TMEM44: variants seen among roughly 807,000 people sequenced by gnomAD.
TMEM44 encodes transmembrane protein 44.
A neutral mutation model predicts 47.8 loss-of-function variants in TMEM44; 43 were observed. The ratio of observed to expected loss-of-function variants is 0.90; its 90% CI spans 0.70 to 1.16. The LOEUF (loss-of-function observed/expected upper bound fraction) is 1.16. TMEM44 is among the 50% of genes most tolerant of loss of function. The probability of loss-of-function intolerance (pLI) is 0.00; values close to 1 mark genes in which losing one functional copy is unlikely to be tolerated. For synonymous variants in TMEM44, 277 were observed against 238.8 expected (o/e 1.16, Z -1.48); for missense variants, 568 against 555.2 (o/e 1.02, Z -0.23).
rs1170111312 is a variant in TMEM44, at chr3:194,633,225, G to GGGCGCGC, written c.-17_-11dup. Reference sequence around the variant, plus strand: ...TGGGCGCCTCCCCCATGGCGCGGCTGGGCGCGCGGCGCGGGGCCGGGGACC... The same window carrying GGGCGCGC: ...TGGGCGCCTCCCCCATGGCGCGGCTGGGCGCGCGGCGCGCGGCGCGGGGCCGGGGACC... On this transcript the variant is annotated 5_prime_UTR_variant, in exon 1 of 10. Coordinates refer to ENST00000347147, the MANE Select transcript of TMEM44 (RefSeq NM_001011655.3). 1.4e-6 allele frequency: 2 copies of GGGCGCGC among 1,380,488 alleles called. No homozygotes were observed. Among genetic ancestry groups the GGGCGCGC allele is most frequent in the East Asian group, 3.2e-5 (1 of 31,594 alleles). 85.5% of individuals were successfully genotyped at this position (1,380,488 alleles called of 1,614,324 possible). A position where few individuals can be genotyped will look rare whatever the true frequency, so the allele number is the denominator to read the frequency against.
Position 194,617,281 on chromosome 3 carries a change from G to A in TMEM44, c.613-12C>T. The A allele has an allele frequency of 1.3e-6, 2 of 1,504,258 alleles. No homozygotes were observed. Among genetic ancestry groups the A allele is most frequent in the African/African-American group, 1.4e-5 (1 of 71,772 alleles). The allele number at this position is 1,504,258 out of a possible 1,614,324, so 93.2% of individuals were successfully genotyped here. On this transcript the variant is annotated splice_polypyrimidine_tract_variant and intron_variant, in intron 5 of 9. Transcript: ENST00000347147. ...GTCTTCCCCCGGCACTGGGCAGAGAGAGGGAGGGGCTGGGCGGGAGAAGCA... is the reference window on the plus strand; with the variant it reads ...GTCTTCCCCCGGCACTGGGCAGAGAAAGGGAGGGGCTGGGCGGGAGAAGCA...
intron 5 of TMEM44, among the ~76,000 whole-genome samples, chr3:194,622,178 C>T (rs993194250): frequency 2.6e-5 from 4 of 152,320 alleles, no homozygotes; most frequent in African/African-American, 4.8e-5. Context: ...CGCTTTCGCA[C>T]GTGGGGGCTT....
chr3:194,594,856 T>C (rs1360075619), intron 9 of TMEM44, among the ~76,000 whole-genome samples: 2 of 152,230 alleles, frequency 1.3e-5, no homozygotes, highest in African/African-American at 4.8e-5. Flanking sequence ...TCTTCAGCGT[T>C]ATGGGCAATC....
rs533934175 is a variant in TMEM44 at position 194,621,586 on chromosome 3, C to T, written c.612+1638G>A. ...GGACACCTGCTGATGAGGCCCAGGC[C>T]CTGCGAGGCTTCTGGCAGTCACAGC... On this transcript the variant is annotated intron_variant, in intron 5 of 9. Coordinates refer to ENST00000347147, the MANE Select transcript of TMEM44 (RefSeq NM_001011655.3). 4.6e-5 allele frequency among the ~76,000 whole-genome samples: 7 copies of T among 152,322 alleles called. No individual in the cohort carries two copies. In the East Asian group the frequency reaches 1.2e-3, roughly 25 times the overall value.
At chr3:194,599,628 A>G (rs1706015) in intron 9 of TMEM44, among the ~76,000 whole-genome samples, 54,058 of 144,032 alleles carry the variant, frequency 0.38, 10,412 homozygotes, top group Non-Finnish European at 0.44. Flanking sequence ...TCTATTGTCC[A>G]GGCTGGAATG....
chr3:194,601,646 C>T (rs923762472), intron 9 of TMEM44, among the ~76,000 whole-genome samples: 6 of 152,144 alleles, frequency 3.9e-5, no homozygotes, highest in African/African-American at 1.4e-4. Context: ...CGGGGTTTCG[C>T]CACGTTCGCC....
chr3:194,599,181 G>A (rs995024188), intron 9 of TMEM44, among the ~76,000 whole-genome samples: 3 of 152,188 alleles, frequency 2.0e-5, no homozygotes, highest in Admixed American at 6.6e-5. Context: ...TCTCTCCAGG[G>A]TATGGTCCGG....
intron 9 of TMEM44, 108 bp downstream of exon 9, chr3:194,604,179 G>A (rs996517650): frequency 7.2e-7 from 1 of 1,382,492 alleles, no homozygotes; most frequent in African/African-American, 1.4e-5. Flanking sequence ...CAGGTATGAG[G>A]TTAACGTGGA....
chr3:194,620,849 C>T (rs562589105), intron 5 of TMEM44, among the ~76,000 whole-genome samples: 1 of 151,680 alleles, frequency 6.6e-6, no homozygotes, highest in Admixed American at 6.6e-5. Context: ...CAACATGGTG[C>T]ACTCTCGTCT....
At chr3:194,627,999 A>C (rs1577228698) in intron 2 of TMEM44, among the ~76,000 whole-genome samples, 2 of 152,154 alleles carry the variant, frequency 1.3e-5, no homozygotes, top group South Asian at 4.1e-4. Context: ...CAAGCAAAAA[A>C]AAAAGTCACC....
At chr3:194,615,802 C>T in intron 6 of TMEM44, 105 bp from the exon 7 acceptor site, 1 of 1,437,196 alleles carries the variant, frequency 7.0e-7, no homozygotes, top group Non-Finnish European at 9.5e-7. Flanking sequence ...CTCACCTACT[C>T]TCCTCCCTCC....
At chr3:194,617,299 G>GGGGGC in intron 5 of TMEM44, 30 bp from the exon 6 acceptor site, 13 of 619,720 alleles carry the variant, frequency 2.1e-5, no homozygotes, top group Non-Finnish European at 3.0e-5. Context: ...GGCTGGGCGG[G>GGGGGC]AGAAGCAGCA....
At chr3:194,606,910 GC>G (rs1341656487) in intron 8 of TMEM44, among the ~76,000 whole-genome samples, 1 of 130,046 alleles carries the variant, frequency 7.7e-6, no homozygotes, top group African/African-American at 2.9e-5. Context: ...CCGTGATTGT[GC>G]CACTGCACTC....
chr3:194,602,137 A>G (rs1427430387), intron 9 of TMEM44, among the ~76,000 whole-genome samples: 1 of 152,220 alleles, frequency 6.6e-6, no homozygotes, highest in Non-Finnish European at 1.5e-5. Context: ...AGAACCACAC[A>G]ACACAGAATG....
Position 194,625,963 on chromosome 3 carries a change from T to C in TMEM44, c.292A>G (p.Ile98Val), listed in dbSNP as rs1432392471. 3 of 1,613,568 alleles carry C rather than the reference T, an allele frequency of 1.9e-6. No individual in the cohort carries two copies. In the African/African-American group the frequency reaches 4.0e-5, roughly 22 times the overall value. The part of the protein sequence containing the change: ...QVFTGAYLAA[I>V]DLVNFMFILF... ...ATGAACATAAAGTTCACTAAGTCAA[T>C]AGCTGCTAGGTAGGCACCAGTGAAA... Residue 98 changes from isoleucine to valine, a missense_variant, in exon 3 of 10, where the codon ATT (isoleucine) becomes GTT (valine). Ile to Val is a conservative substitution (Grantham distance 29). Coordinates refer to ENST00000347147, the MANE Select transcript of TMEM44 (RefSeq NM_001011655.3).
chr3:194,623,586 CG>C lies in TMEM44; in HGVS notation c.467del (p.Pro156ArgfsTer15). 6.2e-7 allele frequency: 1 copy of C among 1,611,160 alleles called. No individual in the cohort carries two copies. The highest frequency in any genetic ancestry group is 8.5e-7 in the Non-Finnish European group (1 of 1,179,390). ...GPCWALWVAVPKASATIRGPQ... is the reference protein window; with the variant it reads ...GPCWALWVAVXKASATIRGPQ... ...GCCCCCGGATGGTGGCTGAAGCCTT[CG>C]GGACAGCAACCCACAGAGCCCAGCA... On this transcript the variant is annotated frameshift_variant, in exon 4 of 10. Transcript: ENST00000347147. LOFTEE classifies it high-confidence loss of function.
chr3:194,616,623 C>T (rs1293646485), intron 6 of TMEM44: 2 of 456,708 alleles, frequency 4.4e-6, no homozygotes, highest in Non-Finnish European at 4.4e-6. Flanking sequence ...CTCTTAGCGC[C>T]TGCAGACGGC....
intron 7 of TMEM44, 84 bp downstream of exon 7, chr3:194,615,485 G>A (rs1715780663): frequency 1.0e-5 from 16 of 1,535,846 alleles, no homozygotes; most frequent in South Asian, 7.4e-5. Context: ...TCACACGTCC[G>A]TCCGCAGTAT....
chr3:194,633,043 C>CCCGTCCGACAG (rs1553842579), intron 1 of TMEM44, 36 bp downstream of exon 1: 36 of 1,536,270 alleles, frequency 2.3e-5, no homozygotes, highest in Non-Finnish European at 3.2e-5. Flanking sequence ...CGCCCGTTTC[C>CCCGTCCGACAG]CCGCCCGACA....
Sources: allele counts gnomAD v4.1 joint callset (sites outside exome capture counted in the v4.1 genomes callset), GRCh38; gene constraint gnomAD v4.1.1; transcripts MANE v1.5; gene names NCBI Gene and HGNC (gene_info 2026-07-23, HGNC 2026-07-21).